The following PARD3 variants were observed in gnomAD, a reference collection of about 807,000 sequenced individuals.
The protein encoded by PARD3 is par-3 family cell polarity regulator, also known as partitioning defective 3 homolog.
Under a neutral mutation model 155.4 loss-of-function variants are expected in PARD3, and 75 were observed. The observed-to-expected ratio is 0.48, with a 90% CI of 0.40 to 0.58. PARD3 has a LOEUF of 0.58. Ranked by LOEUF, PARD3 falls within the 20% of genes least tolerant of loss-of-function variation. The pLI is 0.00. For missense variants in PARD3, 1,642 were observed against 1,721.7 expected (o/e 0.95, Z 0.82); for synonymous variants, 576 against 610.5 (o/e 0.94, Z 0.83).
chr10:34,188,740 T>TA (rs1353326679), intron 22 of PARD3, among the ~76,000 whole-genome samples: 1 of 145,850 alleles, frequency 6.9e-6, no homozygotes, highest in Non-Finnish European at 1.5e-5. Context: ...TATGGCAACT[T>TA]AAAATCGCTT....
intron 1 of PARD3, among the ~76,000 whole-genome samples, chr10:34,740,657 G>A (rs2094992896): frequency 2.0e-5 from 3 of 151,872 alleles, no homozygotes; most frequent in Admixed American, 6.6e-5. Context: ...GCTTCCAAAG[G>A]CCTCTCTCAC....
chr10:34,716,598 T>C (rs1333074056), intron 1 of PARD3, among the ~76,000 whole-genome samples: 1 of 143,578 alleles, frequency 7.0e-6, no homozygotes, highest in Non-Finnish European at 1.5e-5. Context: ...TTTTTTTTTT[T>C]TTTTTTTTTT....
chr10:34,581,524 G>T (rs935272798), intron 2 of PARD3, among the ~76,000 whole-genome samples: 2 of 152,028 alleles, frequency 1.3e-5, no homozygotes, highest in African/African-American at 4.8e-5. Flanking sequence ...GTGAGCCACC[G>T]CGCCCGGCCT....
chr10:34,587,199 C>G (rs555672606), intron 2 of PARD3, among the ~76,000 whole-genome samples: 1 of 152,270 alleles, frequency 6.6e-6, no homozygotes, highest in East Asian at 1.9e-4. Flanking sequence ...TCTCGACTCA[C>G]TACAACCTCC....
chr10:34,750,496 C>G (rs1226016127), intron 1 of PARD3, among the ~76,000 whole-genome samples: 3 of 148,004 alleles, frequency 2.0e-5, no homozygotes, highest in African/African-American at 7.9e-5. Flanking sequence ...CACACACACA[C>G]ACACACACAC....
At chr10:34,658,044 G>A (rs1042011854) in intron 2 of PARD3, among the ~76,000 whole-genome samples, 6 of 151,804 alleles carry the variant, frequency 4.0e-5, no homozygotes, top group Admixed American at 2.6e-4. Flanking sequence ...TACTTGGGAG[G>A]CTGAGGCAGG....
In PARD3 at chr10:34,658,497, C is replaced by T. The variant is rs553414071; in HGVS notation, c.222+37821G>A. 3.9e-5 allele frequency among the ~76,000 whole-genome samples: 6 copies of T among 152,122 alleles called. No individual in the cohort carries two copies. The East Asian group carries it at 1.2e-3, about 29-fold the overall frequency. ...AAGGCGGCACCAGGGGCAGACGGTA[C>T]CCACCCTCCGAGGAGAAGATGCTGG... On this transcript the variant is annotated intron_variant, in intron 2 of 24. Coordinates refer to ENST00000374788, the MANE Select transcript of PARD3 (RefSeq NM_001184785.2).
chr10:34,428,367 T>C (rs1257705211), intron 5 of PARD3, among the ~76,000 whole-genome samples: 2 of 152,180 alleles, frequency 1.3e-5, no homozygotes, highest in Non-Finnish European at 2.9e-5. Flanking sequence ...AAAAATGTCT[T>C]AAGCCAGGTG....
At chr10:34,747,392 C>T (rs940654532) in intron 1 of PARD3, among the ~76,000 whole-genome samples, 3 of 152,124 alleles carry the variant, frequency 2.0e-5, no homozygotes, top group African/African-American at 7.2e-5. Flanking sequence ...GCCCAAACCA[C>T]ACAAGGTTAT....
chr10:34,208,772 T>C (rs1374229724), intron 22 of PARD3, among the ~76,000 whole-genome samples: 3 of 152,160 alleles, frequency 2.0e-5, no homozygotes, highest in Non-Finnish European at 4.4e-5. Context: ...GGCAGCCAGG[T>C]AGCTATCAGC....
At chr10:34,752,018 AGTAAAGTTG>A (rs1272032374) in intron 1 of PARD3, among the ~76,000 whole-genome samples, 1 of 152,136 alleles carries the variant, frequency 6.6e-6, no homozygotes, top group East Asian at 1.9e-4. Flanking sequence ...GAGAACGGGA[AGTAAAGTTG>A]GTTGTACATC....
At chr10:34,644,721 C>G (rs1370523289) in intron 2 of PARD3, among the ~76,000 whole-genome samples, 2 of 152,202 alleles carry the variant, frequency 1.3e-5, no homozygotes, top group Non-Finnish European at 1.5e-5. Context: ...TGATGGAGAT[C>G]AGACCTTAAT....
At chr10:34,331,519 C>T (rs1835610939) in intron 18 of PARD3, among the ~76,000 whole-genome samples, 175 bp from the exon 19 acceptor site, 1 of 152,002 alleles carries the variant, frequency 6.6e-6, no homozygotes, top group Non-Finnish European at 1.5e-5. Context: ...TTTTATTTTT[C>T]CCAAACTTAT....
intron 1 of PARD3, among the ~76,000 whole-genome samples, chr10:34,760,322 C>T (rs1837291724): frequency 6.6e-6 from 1 of 151,966 alleles, no homozygotes; most frequent in Non-Finnish European, 1.5e-5. Flanking sequence ...ATGCCTGGTC[C>T]CAATCTACTA....
At chr10:34,588,270 A>T (rs547536518) in intron 2 of PARD3, among the ~76,000 whole-genome samples, 2 of 152,320 alleles carry the variant, frequency 1.3e-5, no homozygotes, top group Admixed American at 1.3e-4. Flanking sequence ...ACCCCTACTA[A>T]ACAGACCTGC....
At chr10:34,519,886 A>C (rs1406288174) in intron 2 of PARD3, among the ~76,000 whole-genome samples, 1 of 146,694 alleles carries the variant, frequency 6.8e-6, no homozygotes, top group Non-Finnish European at 1.5e-5. Flanking sequence ...ATAACATAAA[A>C]ATAGAAAATA....
At chr10:34,209,057 A>G (rs74131645) in intron 22 of PARD3, among the ~76,000 whole-genome samples, 1,789 of 152,324 alleles carry the variant, frequency 0.012, 39 homozygotes, top group African/African-American at 0.041. Flanking sequence ...TCCACATATA[A>G]TATTCTGACT....
At chr10:34,758,363 G>T (rs1396071495) in intron 1 of PARD3, among the ~76,000 whole-genome samples, 1 of 152,166 alleles carries the variant, frequency 6.6e-6, no homozygotes, top group African/African-American at 2.4e-5. Context: ...CCAGGTTCAG[G>T]GAGAGGTAAG....
At chr10:34,563,266 A>G (rs529648545) in intron 2 of PARD3, among the ~76,000 whole-genome samples, 35 of 152,330 alleles carry the variant, frequency 2.3e-4, no homozygotes, top group African/African-American at 7.5e-4. Context: ...TTGATTATCT[A>G]AAAGCCTGAA....
Sources: gnomAD v4.1 joint callset for allele counts (sites outside exome capture counted in the v4.1 genomes callset) on GRCh38, gnomAD v4.1.1 for gene constraint, MANE v1.5 for transcripts, NCBI Gene and HGNC (gene_info 2026-07-23, HGNC 2026-07-21) for gene names.